Variants in GRAMD1B observed in about 807,000 individuals in gnomAD.
GRAMD1B encodes GRAM domain containing 1B.
GRAMD1B carries 37 observed loss-of-function variants against 99.7 expected under a neutral mutation model. That is an observed-to-expected ratio of 0.37 (90% CI 0.29 to 0.49). GRAMD1B has a LOEUF of 0.49. GRAMD1B is among the 20% of genes least tolerant of loss of function. GRAMD1B has a pLI of 0.98. For synonymous variants in GRAMD1B, 427 were observed against 387.6 expected (o/e 1.10, Z -1.19); for missense variants, 888 against 1,009.2 (o/e 0.88, Z 1.63).
At chr11:123,535,547 C>G (rs1485207417) in intron 2 of GRAMD1B, among the ~76,000 whole-genome samples, 1 of 152,046 alleles carries the variant, frequency 6.6e-6, no homozygotes, top group Admixed American at 6.6e-5. Flanking sequence ...GTGGTGTGCT[C>G]TTTATCAGTA....
At chr11:123,565,226 A>C (rs1279665551) in intron 2 of GRAMD1B, among the ~76,000 whole-genome samples, 2 of 122,200 alleles carry the variant, frequency 1.6e-5, no homozygotes, top group Admixed American at 1.8e-4. Flanking sequence ...TTTTTTAGGG[A>C]TGAGGTCTTG....
At chr11:123,527,998 C>A (rs1304374943) in intron 2 of GRAMD1B, among the ~76,000 whole-genome samples, 1 of 152,210 alleles carries the variant, frequency 6.6e-6, no homozygotes, top group Non-Finnish European at 1.5e-5. Flanking sequence ...AGAAATTTTA[C>A]AAGGATGGGA....
intron 1 of GRAMD1B, among the ~76,000 whole-genome samples, chr11:123,391,616 C>A (rs763288608): frequency 2.0e-5 from 3 of 152,152 alleles, no homozygotes; most frequent in Non-Finnish European, 4.4e-5. Flanking sequence ...GCCAGCACGC[C>A]TGGCTAATTT....
chr11:123,455,046 C>A (rs1351399045), intron 1 of GRAMD1B, among the ~76,000 whole-genome samples: 1 of 151,886 alleles, frequency 6.6e-6, no homozygotes, highest in Non-Finnish European at 1.5e-5. Flanking sequence ...ATGTTTTATC[C>A]CCATCAACAT....
At chr11:123,527,449 T>C (rs1942907495) in intron 2 of GRAMD1B, among the ~76,000 whole-genome samples, 1 of 152,160 alleles carries the variant, frequency 6.6e-6, no homozygotes, top group Non-Finnish European at 1.5e-5. Context: ...TCTCAAGAAC[T>C]GCGAGTTCCC....
intron 2 of GRAMD1B, among the ~76,000 whole-genome samples, chr11:123,482,382 G>A (rs1253096537): frequency 3.3e-5 from 5 of 152,166 alleles, no homozygotes; most frequent in African/African-American, 1.2e-4. Flanking sequence ...ACAAGCGTGA[G>A]CCACCATGCC....
At chr11:123,365,556 C>T (rs1411591971) in intron 1 of GRAMD1B, among the ~76,000 whole-genome samples, 1 of 152,144 alleles carries the variant, frequency 6.6e-6, no homozygotes, top group Non-Finnish European at 1.5e-5. Flanking sequence ...CTGGCCTACC[C>T]TACATTTTCA....
At chr11:123,517,622 G>C (rs1336505391) in intron 2 of GRAMD1B, among the ~76,000 whole-genome samples, 1 of 151,044 alleles carries the variant, frequency 6.6e-6, no homozygotes, top group Non-Finnish European at 1.5e-5. Flanking sequence ...TAGAATCGCG[G>C]TGCTAAACCA....
At chr11:123,577,323 C>T in intron 2 of GRAMD1B, 44 bp from the exon 3 acceptor site, 1 of 1,487,172 alleles carries the variant, frequency 6.7e-7, no homozygotes, top group Non-Finnish European at 9.2e-7. Flanking sequence ...CTTTCCTCCT[C>T]CTTCTCTTTC....
At chr11:123,584,374 T>TGGGGGGGAAGGGGGGGGGGGTGGGATGGG in intron 4 of GRAMD1B, 42 bp downstream of exon 4, 1 of 141,016 alleles carries the variant, frequency 7.1e-6, no homozygotes, top group South Asian at 7.1e-5. Flanking sequence ...ACCTGAGAAA[T>TGGGGGGGAAGGGGGGGGGGGTGGGATGGG]GGGAGGGGGA....
chr11:123,614,072 C>A (rs555110626), intron 16 of GRAMD1B, among the ~76,000 whole-genome samples: 1 of 152,186 alleles, frequency 6.6e-6, no homozygotes, highest in East Asian at 1.9e-4. Context: ...CATGGGCCAA[C>A]CCAGGCTTGC....
intron 2 of GRAMD1B, among the ~76,000 whole-genome samples, chr11:123,531,239 G>A (rs566655392): frequency 4.6e-4 from 70 of 152,280 alleles, no homozygotes; most frequent in African/African-American, 1.6e-3. Context: ...CTGAGCGCTG[G>A]TCATCTAGGC....
At chr11:123,537,714 A>G (rs1030098562) in intron 2 of GRAMD1B, among the ~76,000 whole-genome samples, 2 of 152,226 alleles carry the variant, frequency 1.3e-5, no homozygotes, top group African/African-American at 4.8e-5. Flanking sequence ...TGTGGGGCCT[A>G]TGAGTAATAG....
At chr11:123,382,779 A>G (rs1458693837) in intron 1 of GRAMD1B, among the ~76,000 whole-genome samples, 1 of 152,150 alleles carries the variant, frequency 6.6e-6, no homozygotes, top group Non-Finnish European at 1.5e-5. Context: ...TCAGCAAAGG[A>G]TAAATGGAGC....
chr11:123,613,003 T>C, intron 15 of GRAMD1B, 139 bp downstream of exon 15: 1 of 619,504 alleles, frequency 1.6e-6, no homozygotes, highest in Non-Finnish European at 2.9e-6. Context: ...TACCCACACC[T>C]GCTTCAGAAG....
chr11:123,487,972 C>G (rs1214518355), intron 2 of GRAMD1B, among the ~76,000 whole-genome samples: 1 of 152,186 alleles, frequency 6.6e-6, no homozygotes. Flanking sequence ...TAACAGAATA[C>G]CATAGACTGG....
chr11:123,457,004 C>T (rs374717644), intron 1 of GRAMD1B, among the ~76,000 whole-genome samples: 5 of 149,730 alleles, frequency 3.3e-5, no homozygotes, highest in South Asian at 2.1e-4. Flanking sequence ...CCCAGGTACT[C>T]GGGAGGCTGA....
rs149779071 is a variant in GRAMD1B at position 123,588,818 on chromosome 11, T to C, written c.684+4486T>C. Among the ~76,000 whole-genome samples, 10 of 152,270 alleles carry C rather than the reference T, an allele frequency of 6.6e-5. No homozygotes were observed. The East Asian group carries it at 1.9e-3, about 29-fold the overall frequency. ...GAATGCATTCACTTGGTAAATACTTTCTTAGCACCTGATACAGTATCCCTT... is the reference window on the plus strand; with the variant it reads ...GAATGCATTCACTTGGTAAATACTTCCTTAGCACCTGATACAGTATCCCTT... On this transcript the variant is annotated intron_variant, in intron 4 of 19. Coordinates refer to ENST00000635736, the MANE Select transcript of GRAMD1B (RefSeq NM_001387025.1).
Position 123,548,349 on chromosome 11 carries a change from C to CACACACAT in GRAMD1B, c.453-29017_453-29016insCACACATA, listed in dbSNP as rs1184195342. 9.8e-4 allele frequency among the ~76,000 whole-genome samples: 106 copies of CACACACAT among 107,678 alleles called. 1 individual carries two copies. The highest frequency in any genetic ancestry group is 4.5e-3 in the Middle Eastern group (1 of 224). 70.6% of individuals were successfully genotyped at this position (107,678 alleles called of 152,430 possible). On this transcript the variant is annotated intron_variant, in intron 2 of 19. Transcript: ENST00000635736. ...ATACACACACACACACACACACACACATATATATATATATGTACACACACA... is the reference window on the plus strand; with the variant it reads ...ATACACACACACACACACACACACACACACACATATATATATATATATGTACACACACA...
Sources: allele counts gnomAD v4.1 joint callset (sites outside exome capture counted in the v4.1 genomes callset), GRCh38; gene constraint gnomAD v4.1.1; transcripts MANE v1.5; gene names NCBI Gene and HGNC (gene_info 2026-07-23, HGNC 2026-07-21).